HDAC4: variants seen among roughly 807,000 people sequenced by gnomAD.
The protein encoded by HDAC4 is histone deacetylase A.
HDAC4 carries 16 observed loss-of-function variants against 135.1 expected under a neutral mutation model. The observed-to-expected ratio is 0.12, with a 90% CI of 0.08 to 0.18. The LOEUF is 0.18. Among genes scored for constraint, HDAC4 ranks in the 10% least tolerant of loss-of-function variants. The pLI, the probability that HDAC4 is intolerant of heterozygous loss-of-function variation, is 1.00. For synonymous variants in HDAC4, 685 were observed against 653.4 expected (o/e 1.05, Z -0.74); for missense variants, 1,143 against 1,511.8 (o/e 0.76, Z 4.05).
chr2:239,365,297 T>C (rs887727254), intron 1 of HDAC4, among the ~76,000 whole-genome samples: 5 of 152,264 alleles, frequency 3.3e-5, no homozygotes, highest in African/African-American at 4.8e-5. Flanking sequence ...GACAGATTTA[T>C]ACTTTAGTTT....
chr2:239,172,960 CG>C (rs1002604334), intron 5 of HDAC4, among the ~76,000 whole-genome samples: 32 of 151,860 alleles, frequency 2.1e-4, no homozygotes, highest in Non-Finnish European at 1.3e-4. Context: ...TAAAGTGAGC[CG>C]GGGGGGAAAA....
chr2:239,356,840 C>A (rs1693520132), intron 1 of HDAC4, among the ~76,000 whole-genome samples: 1 of 151,992 alleles, frequency 6.6e-6, no homozygotes. Flanking sequence ...TATACCGAGA[C>A]CTCAGATCCC....
At chr2:239,364,155 C>T (rs566791409) in intron 1 of HDAC4, among the ~76,000 whole-genome samples, 1 of 152,308 alleles carries the variant, frequency 6.6e-6, no homozygotes, top group East Asian at 1.9e-4. Flanking sequence ...CCCTCGGTGG[C>T]AGGTACTACA....
intron 16 of HDAC4, 126 bp from the exon 17 acceptor site, chr2:239,095,182 C>T (rs1465206552): frequency 2.7e-5 from 27 of 985,262 alleles, no homozygotes; most frequent in Non-Finnish European, 6.4e-6. Context: ...GGGGCCACTG[C>T]TCCCCCTTGT....
intron 26 of HDAC4, 105 bp downstream of exon 26, chr2:239,053,355 T>C (rs1221455997): frequency 3.4e-6 from 5 of 1,476,322 alleles, no homozygotes; most frequent in Non-Finnish European, 4.6e-6. Context: ...GTCTCTAGTC[T>C]GTTGGGCAGG....
intron 17 of HDAC4, among the ~76,000 whole-genome samples, chr2:239,092,244 A>C (rs1158857479): frequency 1.5e-5 from 2 of 130,108 alleles, no homozygotes; most frequent in African/African-American, 6.7e-5. Flanking sequence ...GTCTCCAAAG[A>C]GGAAAAAAAA....
At chr2:239,089,477 G>A (rs1331391971) in intron 18 of HDAC4, among the ~76,000 whole-genome samples, 2 of 152,092 alleles carry the variant, frequency 1.3e-5, no homozygotes, top group Non-Finnish European at 2.9e-5. Context: ...ATAGGCATGC[G>A]CCACCATGCC....
intron 1 of HDAC4, among the ~76,000 whole-genome samples, chr2:239,396,431 G>A (rs1178164838): frequency 6.6e-6 from 1 of 152,080 alleles, no homozygotes; most frequent in Non-Finnish European, 1.5e-5. Flanking sequence ...TTACAAAATA[G>A]AAATTATTAT....
intron 2 of HDAC4, among the ~76,000 whole-genome samples, chr2:239,296,396 A>G (rs1327035527): frequency 6.6e-6 from 1 of 152,202 alleles, no homozygotes; most frequent in African/African-American, 2.4e-5. Context: ...GCCCTGGCCC[A>G]GCTGGTTTTC....
chr2:239,347,554 C>G (rs76639971), intron 2 of HDAC4, among the ~76,000 whole-genome samples: 1 of 152,186 alleles, frequency 6.6e-6, no homozygotes, highest in Non-Finnish European at 1.5e-5. Context: ...CTTGCTCTGT[C>G]GGCCAGGCTA....
intron 3 of HDAC4, among the ~76,000 whole-genome samples, chr2:239,236,087 T>C (rs997080947): frequency 6.6e-6 from 1 of 152,132 alleles, no homozygotes; most frequent in Non-Finnish European, 1.5e-5. Context: ...TGGAATGAAA[T>C]ATTTCTGATC....
At chr2:239,259,207 GGGA>G (rs1390045803) in intron 2 of HDAC4, among the ~76,000 whole-genome samples, 1 of 152,218 alleles carries the variant, frequency 6.6e-6, no homozygotes, top group East Asian at 1.9e-4. Flanking sequence ...CCAACACTTT[GGGA>G]GGCTGAGGTG....
chr2:239,325,890 C>CG (rs1412371866), intron 2 of HDAC4, among the ~76,000 whole-genome samples: 1 of 151,892 alleles, frequency 6.6e-6, no homozygotes, highest in Non-Finnish European at 1.5e-5. Context: ...ACTTGAACCC[C>CG]GGGGGACAGA....
chr2:239,265,594 G>A (rs1211978367), intron 2 of HDAC4, among the ~76,000 whole-genome samples: 2 of 152,158 alleles, frequency 1.3e-5, no homozygotes, highest in African/African-American at 2.4e-5. Context: ...CTCCTGCTCC[G>A]CAGAGCCTTG....
At chr2:239,189,063 A>G (rs555126401) in intron 4 of HDAC4, among the ~76,000 whole-genome samples, 5 of 152,238 alleles carry the variant, frequency 3.3e-5, no homozygotes, top group Non-Finnish European at 7.3e-5. Context: ...ATTTTGTTAC[A>G]CAGATATAGA....
chr2:239,242,566 T>C (rs2048250308), intron 2 of HDAC4, among the ~76,000 whole-genome samples: 1 of 152,250 alleles, frequency 6.6e-6, no homozygotes, highest in South Asian at 2.1e-4. Flanking sequence ...ATTTTCTACA[T>C]ATAGAATCAG....
rs370706860 is a variant in HDAC4 at position 239,236,638 on chromosome 2, C to T, written c.49G>A (p.Val17Met). 24 of 1,551,634 alleles carry T rather than the reference C, an allele frequency of 1.5e-5. No individual in the cohort carries two copies. In the Admixed American group the frequency reaches 1.8e-4, roughly 11 times the overall value. The stretch of plus-strand genomic sequence containing the variant: ...ACGCGGGCAGGATTCAGCAGCTCCA[C>T]TGGCTGGTCTCGGCCAGAAAGTCCA... The part of the protein sequence containing the change: ...PDGLSGRDQP[V>M]ELLNPARVNH... The change falls in exon 3 of 27, where the codon GTG becomes ATG. Residue 17 changes from valine to methionine, a missense_variant. This residue lies in a region of HDAC4 where 247 missense variants were observed against 310.0 expected (regional missense o/e 0.80). Coordinates refer to ENST00000543185, the MANE Select transcript of HDAC4 (RefSeq NM_001378414.1).
intron 3 of HDAC4, among the ~76,000 whole-genome samples, chr2:239,214,146 C>T (rs997648234): frequency 2.0e-5 from 3 of 152,170 alleles, no homozygotes; most frequent in East Asian, 1.9e-4. Context: ...GTTTACGGAG[C>T]GAAAGTCAGA....
At chr2:239,217,488 T>C (rs2046706228) in intron 3 of HDAC4, among the ~76,000 whole-genome samples, 1 of 152,216 alleles carries the variant, frequency 6.6e-6, no homozygotes, top group Admixed American at 6.5e-5. Context: ...TTATATGTTA[T>C]AAAGAGAATC....
Sources: gnomAD v4.1 joint callset for allele counts (sites outside exome capture counted in the v4.1 genomes callset) on GRCh38, gnomAD v4.1.1 for gene constraint, gnomAD v4.1.1 regional missense constraint, MANE v1.5 for transcripts, NCBI Gene and HGNC (gene_info 2026-07-23, HGNC 2026-07-21) for gene names.